The following RNF216 variants were observed in gnomAD, a reference collection of about 807,000 sequenced individuals.
RNF216 encodes E3 ubiquitin-protein ligase RNF216.
A neutral mutation model predicts 110.8 loss-of-function variants in RNF216; 72 were observed. The observed-to-expected ratio is 0.65, with a 90% CI of 0.54 to 0.79. RNF216 has a LOEUF of 0.79. Among genes scored for constraint, RNF216 ranks in the 30% least tolerant of loss-of-function variants. RNF216 has a pLI of 0.00. For synonymous variants in RNF216, 495 were observed against 407.5 expected, an observed-to-expected ratio of 1.21 and a Z score of -2.59; for missense variants, 1,342 against 1,141.2, an observed-to-expected ratio of 1.18 and a Z score of -2.54.
At chr7:5,648,126 G>A (rs545829471) in intron 14 of RNF216, among the ~76,000 whole-genome samples, 2 of 151,036 alleles carry the variant, frequency 1.3e-5, no homozygotes, top group African/African-American at 4.9e-5. Flanking sequence ...TTTTTCTTGA[G>A]ATGGAGTTTT....
chr7:5,681,061 C>T (rs1039990873), intron 13 of RNF216, among the ~76,000 whole-genome samples: 8 of 152,174 alleles, frequency 5.3e-5, no homozygotes, highest in Non-Finnish European at 8.8e-5. Context: ...CCTTCCCACA[C>T]TGGGGTCTCA....
chr7:5,734,965 ACATGGTGAAACCCTAT>A (rs1270725121), intron 5 of RNF216, among the ~76,000 whole-genome samples: 3 of 152,024 alleles, frequency 2.0e-5, no homozygotes, highest in Non-Finnish European at 4.4e-5. Context: ...AGCCTGGCCA[ACATGGTGAAACCCTAT>A]CTCTACTAAA....
intron 13 of RNF216, among the ~76,000 whole-genome samples, chr7:5,695,830 G>C (rs1329166101): frequency 6.6e-6 from 1 of 152,228 alleles, no homozygotes; most frequent in Non-Finnish European, 1.5e-5. Context: ...TATGAACAGT[G>C]TCAAGCCCCA....
intron 11 of RNF216, chr7:5,713,247 C>G (rs1240800631): frequency 1.3e-5 from 2 of 159,670 alleles, no homozygotes; most frequent in African/African-American, 2.4e-5. Context: ...TGGGGAGGGG[C>G]AGGGACTCAA....
chr7:5,740,832 T>C (rs1794710609), intron 4 of RNF216, 141 bp downstream of exon 4: 1 of 752,482 alleles, frequency 1.3e-6, no homozygotes, highest in Non-Finnish European at 2.0e-6. Flanking sequence ...GTGTCTCTTC[T>C]ATTCTGTACA....
At position 5,622,829 on chromosome 7, in the gene RNF216, C is replaced by G; in HGVS notation, c.*31G>C. The stretch of plus-strand genomic sequence containing the variant: ...CATCCACACTCCTACCCCAAACGGG[C>G]TTTGTGCTGCTCAATGGGGATTCGG... On this transcript the variant is annotated 3_prime_UTR_variant, in exon 17 of 17. Transcript: ENST00000389902. The G allele has an allele frequency of 5.8e-6, 9 of 1,563,994 alleles. No homozygotes were observed. Among genetic ancestry groups the G allele is most frequent in the Non-Finnish European group, 6.9e-6 (8 of 1,151,460 alleles).
intron 13 of RNF216, among the ~76,000 whole-genome samples, chr7:5,701,032 C>A (rs1052317583): frequency 1.5e-4 from 23 of 152,042 alleles, no homozygotes; most frequent in Non-Finnish European, 3.4e-4. Flanking sequence ...AGTAAGAAAT[C>A]AACATGAAAC....
chr7:5,709,669 G>A (rs1792537779), intron 13 of RNF216, among the ~76,000 whole-genome samples: 1 of 152,152 alleles, frequency 6.6e-6, no homozygotes, highest in African/African-American at 2.4e-5. Context: ...GATCTTAAGA[G>A]CCCCTGGGAA....
intron 14 of RNF216, among the ~76,000 whole-genome samples, chr7:5,651,528 G>A (rs1035510016): frequency 7.2e-5 from 11 of 152,216 alleles, no homozygotes; most frequent in Non-Finnish European, 1.2e-4. Flanking sequence ...TACCCTGCCC[G>A]GCTGTGAGAC....
chr7:5,726,857 TAAAA>T (rs1268067556), intron 7 of RNF216, among the ~76,000 whole-genome samples: 1 of 135,270 alleles, frequency 7.4e-6, no homozygotes, highest in Admixed American at 7.4e-5. Flanking sequence ...GACTCTGTCT[TAAAA>T]AAAAAAAAAA....
intron 3 of RNF216, among the ~76,000 whole-genome samples, chr7:5,746,555 G>C (rs1047119642): frequency 1.3e-5 from 2 of 152,130 alleles, no homozygotes; most frequent in African/African-American, 4.8e-5. Context: ...CTTAGGTGAG[G>C]GAGGCCTCAG....
Position 5,763,308 on chromosome 7 carries a change from G to T in RNF216, c.-69-2170C>A, listed in dbSNP as rs183827722. Among the ~76,000 whole-genome samples the T allele has an allele frequency of 3.1e-3, 472 of 152,208 alleles. 5 individuals carry two copies. Among genetic ancestry groups the T allele is most frequent in the Non-Finnish European group, 5.5e-3 (374 of 68,010 alleles). On this transcript the variant is annotated intron_variant, in intron 1 of 16. Coordinates refer to ENST00000389902, the MANE Select transcript of RNF216 (RefSeq NM_207111.4). ...CACTGAACTATATACTAAAATGGAT[G>T]GATTTTATTTTAATTATATATCAAT...
chr7:5,712,729 G>A lies in RNF216; in HGVS notation c.1968C>T (p.Ala656=), dbSNP rs767571384. The A allele has an allele frequency of 6.8e-6, 11 of 1,614,004 alleles. No individual in the cohort carries two copies. Among genetic ancestry groups the A allele is most frequent in the South Asian group, 3.3e-5 (3 of 91,068 alleles). The part of the protein sequence containing the change: ...KAEEEVAAAY[A]DELVRCPSCS... ...TGAGAACGAACCTGACAAGCTCGTCGGCGTAGGCTGCCGCAACCTCCTCCT... is the reference window on the plus strand; with the variant it reads ...TGAGAACGAACCTGACAAGCTCGTCAGCGTAGGCTGCCGCAACCTCCTCCT... The change falls in exon 12 of 17, where the codon GCC becomes GCT. Residue 656 remains alanine, a synonymous_variant. Transcript: ENST00000389902.
chr7:5,624,183 G>T lies in RNF216; in HGVS notation c.2383-58C>A. ...TAGCTTCATGCAGTGCTGAGGCCCC[G>T]TGGGACAGTGAGGAGGCCGCTTGTT... On this transcript the variant is annotated intron_variant, in intron 15 of 16. Coordinates refer to ENST00000389902, the MANE Select transcript of RNF216 (RefSeq NM_207111.4). The surrounding 1 kb of genome is among the most constrained non-coding windows in gnomAD (Gnocchi z 4.4). The T allele has an allele frequency of 6.8e-7, 1 of 1,465,698 alleles. No homozygotes were observed. The highest frequency in any genetic ancestry group is 9.5e-7 in the Non-Finnish European group (1 of 1,057,734). 90.8% of individuals were successfully genotyped at this position (1,465,698 alleles called of 1,614,324 possible). A position where few individuals can be genotyped will look rare whatever the true frequency, so the allele number is the denominator to read the frequency against.
chr7:5,710,138 T>C (rs1262924276), intron 13 of RNF216, among the ~76,000 whole-genome samples: 2 of 152,126 alleles, frequency 1.3e-5, no homozygotes, highest in East Asian at 3.9e-4. Flanking sequence ...GGTGGGCGGA[T>C]CACTGGAGGC....
chr7:5,643,433 A>T (rs763447957), intron 14 of RNF216, among the ~76,000 whole-genome samples: 1 of 151,368 alleles, frequency 6.6e-6, no homozygotes, highest in Non-Finnish European at 1.5e-5. Flanking sequence ...GGACAGGAAG[A>T]GAAGCCGGAG....
At chr7:5,729,968 T>A (rs1164213936) in intron 6 of RNF216, among the ~76,000 whole-genome samples, 1 of 152,208 alleles carries the variant, frequency 6.6e-6, no homozygotes, top group Admixed American at 6.5e-5. Context: ...ATAAAGTTAG[T>A]TCTCAACCAT....
intron 1 of RNF216, among the ~76,000 whole-genome samples, chr7:5,780,594 C>G (rs1797025789): frequency 6.6e-6 from 1 of 151,792 alleles, no homozygotes; most frequent in African/African-American, 2.4e-5. Flanking sequence ...CTGAGGCAAT[C>G]CCTGTGAGGC....
Position 5,622,564 on chromosome 7 carries a change from G to A in RNF216, c.*296C>T. The A allele has an allele frequency of 2.5e-6, 1 of 395,484 alleles. No individual in the cohort carries two copies. 24.5% of individuals were successfully genotyped at this position (395,484 alleles called of 1,614,324 possible). A position where few individuals can be genotyped will look rare whatever the true frequency, so the allele number is the denominator to read the frequency against. ...TGTGAGCAGCAGGGACCTGGTCTAT[G>A]GCCTATGCCATGGACAAGGCAGAAG... On this transcript the variant is annotated 3_prime_UTR_variant, in exon 17 of 17. Transcript: ENST00000389902.
Sources: allele counts gnomAD v4.1 joint callset (sites outside exome capture counted in the v4.1 genomes callset), GRCh38; gene constraint gnomAD v4.1.1; non-coding constraint Gnocchi (gnomAD v3.1); transcripts MANE v1.5; gene names NCBI Gene and HGNC (gene_info 2026-07-23, HGNC 2026-07-21).